RUFY1: variants seen among roughly 807,000 people sequenced by gnomAD.
The protein encoded by RUFY1 is RUN and FYVE domain containing 1, also known as RUN and FYVE domain-containing protein 1.
RUFY1 carries 54 observed loss-of-function variants against 94.6 expected under a neutral mutation model. The ratio of observed to expected loss-of-function variants is 0.57; its 90% CI spans 0.46 to 0.72. The LOEUF is 0.72. RUFY1 is among the 30% of genes least tolerant of loss of function. The pLI, the probability that RUFY1 is intolerant of heterozygous loss-of-function variation, is 0.00. For missense variants in RUFY1, 883 were observed against 883.9 expected (o/e 1.00, Z 0.01); for synonymous variants, 396 against 347.3 (o/e 1.14, Z -1.56).
chr5:179,605,421 T>C (rs945721725), intron 15 of RUFY1, among the ~76,000 whole-genome samples: 1 of 152,228 alleles, frequency 6.6e-6, no homozygotes, highest in Non-Finnish European at 1.5e-5. Context: ...TGAACAAGAA[T>C]GGAGCAAGAA....
intron 17 of RUFY1, 84 bp from the exon 18 acceptor site, chr5:179,609,292 T>G (rs1177015506): frequency 7.1e-7 from 1 of 1,414,820 alleles, no homozygotes; most frequent in Admixed American, 1.9e-5. Flanking sequence ...CAGCAAATGA[T>G]GCGCTTCTGG....
intron 3 of RUFY1, 149 bp from the exon 4 acceptor site, chr5:179,567,312 A>G (rs918857210): frequency 3.2e-6 from 2 of 631,638 alleles, no homozygotes; most frequent in Non-Finnish European, 5.6e-6. Context: ...GGCCATGTGC[A>G]TCCCTCCCCA....
intron 7 of RUFY1, among the ~76,000 whole-genome samples, chr5:179,584,615 C>G (rs1461023674): frequency 1.3e-5 from 2 of 151,726 alleles, no homozygotes; most frequent in Non-Finnish European, 2.9e-5. Flanking sequence ...AACCTCACCT[C>G]TACAAAAAAA....
At chr5:179,562,029 G>C (rs1184972063) in intron 2 of RUFY1, among the ~76,000 whole-genome samples, 1 of 151,802 alleles carries the variant, frequency 6.6e-6, no homozygotes, top group Non-Finnish European at 1.5e-5. Flanking sequence ...TCCAGAAAGA[G>C]CACAGTAAGC....
intron 1 of RUFY1, among the ~76,000 whole-genome samples, chr5:179,552,210 C>T (rs1254429441): frequency 1.3e-5 from 2 of 149,804 alleles, no homozygotes; most frequent in Non-Finnish European, 3.0e-5. Flanking sequence ...TTACAGCGGC[C>T]ACATTTTAAA....
chr5:179,603,576 C>T (rs1430174470), intron 15 of RUFY1: 1 of 152,386 alleles, frequency 6.6e-6, no homozygotes, highest in East Asian at 1.9e-4. Flanking sequence ...AGAGCATAGG[C>T]CAGCTGTGAG....
At chr5:179,568,499 G>A (rs144627787) in intron 4 of RUFY1, among the ~76,000 whole-genome samples, 287 of 152,148 alleles carry the variant, frequency 1.9e-3, no homozygotes, top group African/African-American at 6.7e-3. Context: ...ATCTTTACAC[G>A]ACAAATACTG....
At chr5:179,561,234 AATT>A (rs1762434610) in intron 2 of RUFY1, among the ~76,000 whole-genome samples, 1 of 151,756 alleles carries the variant, frequency 6.6e-6, no homozygotes, top group African/African-American at 2.4e-5. Context: ...TAAATAAATT[AATT>A]AATTAATTAA....
At chr5:179,598,643 C>A (rs745733145) in intron 13 of RUFY1, 49 bp from the exon 14 acceptor site, 2 of 1,607,818 alleles carry the variant, frequency 1.2e-6, no homozygotes, top group Admixed American at 3.4e-5. Flanking sequence ...GTGAATCTTC[C>A]GTGAAAGTCT....
intron 1 of RUFY1, chr5:179,559,754 T>C (rs1207855089): frequency 1.5e-5 from 18 of 1,161,880 alleles, no homozygotes; most frequent in Non-Finnish European, 1.8e-5. Flanking sequence ...GCCGTCGCCG[T>C]AGCAACGCGC....
At chr5:179,592,350 C>T (rs1390101459) in intron 10 of RUFY1, among the ~76,000 whole-genome samples, 2 of 152,176 alleles carry the variant, frequency 1.3e-5, no homozygotes, top group Non-Finnish European at 2.9e-5. Flanking sequence ...CATCTCCTGA[C>T]TTTGTGATCC....
intron 5 of RUFY1, 81 bp from the exon 6 acceptor site, chr5:179,576,994 G>T: frequency 2.1e-6 from 2 of 966,710 alleles, no homozygotes; most frequent in Middle Eastern, 4.6e-4. Flanking sequence ...AGATAAGAAT[G>T]AAATACCTGA....
At chr5:179,556,720 G>T (rs767088174) in intron 1 of RUFY1, among the ~76,000 whole-genome samples, 1 of 151,938 alleles carries the variant, frequency 6.6e-6, no homozygotes, top group East Asian at 1.9e-4. Flanking sequence ...GGCTGATCTC[G>T]AACTCCTGAC....
At chr5:179,598,899 T>TC in intron 14 of RUFY1, 78 bp downstream of exon 14, 1 of 1,546,358 alleles carries the variant, frequency 6.5e-7, no homozygotes. Context: ...CAGGCTCCTC[T>TC]CCCCGCACCC....
chr5:179,609,491 T>C lies in RUFY1; in HGVS notation c.2099T>C (p.Leu700Pro). ...RVCDSCHTLLLQRCSSTAS is the reference protein window; with the variant it reads ...RVCDSCHTLLPQRCSSTAS ...TGCGACAGCTGCCACACCCTGCTCC[T>C]GCAGCGCTGCTCCTCCACGGCCTCC... The change falls in exon 18 of 18, where the codon CTG (leucine) becomes CCG (proline). Residue 700 changes from leucine (L) to proline (P), a missense_variant. Physicochemically the swap from Leu to Pro is moderately conservative, Grantham distance 98. Transcript: ENST00000319449. The C allele has an allele frequency of 1.9e-6, 3 of 1,609,100 alleles. No homozygotes were observed. The highest frequency in any genetic ancestry group is 1.1e-5 in the South Asian group (1 of 90,830).
rs1256505893 is a variant in RUFY1 at position 179,573,036 on chromosome 5, A to C, written c.828+3611A>C. Among the ~76,000 whole-genome samples the C allele has an allele frequency of 2.0e-5, 3 of 152,218 alleles. No homozygotes were observed. The East Asian group carries it at 5.8e-4, about 29-fold the overall frequency. Reference sequence around the variant, plus strand: ...AATATATTTTTTCTACTAATTTGAAATTCCACTTTTATCATATGTGAAATA... The same window carrying C: ...AATATATTTTTTCTACTAATTTGAACTTCCACTTTTATCATATGTGAAATA... On this transcript the variant is annotated intron_variant, in intron 5 of 17. Coordinates refer to ENST00000319449, the MANE Select transcript of RUFY1 (RefSeq NM_025158.5).
chr5:179,562,721 T>G, intron 3 of RUFY1, 57 bp downstream of exon 3: 1 of 926,784 alleles, frequency 1.1e-6, no homozygotes, highest in Non-Finnish European at 1.8e-6. Flanking sequence ...TCATATTTAC[T>G]CATTTCTCAA....
intron 11 of RUFY1, 24 bp from the exon 12 acceptor site, chr5:179,594,842 T>C: frequency 6.6e-7 from 1 of 1,520,130 alleles, no homozygotes; most frequent in Non-Finnish European, 9.1e-7. Context: ...AGGCAGAGTA[T>C]GAACCCTTCC....
intron 2 of RUFY1, among the ~76,000 whole-genome samples, chr5:179,561,633 G>A (rs1468672411): frequency 7.2e-6 from 1 of 139,726 alleles, no homozygotes; most frequent in African/African-American, 2.6e-5. Context: ...AAAGGGGGAA[G>A]AATTTCATAG....
Sources: gnomAD v4.1 joint callset for allele counts (sites outside exome capture counted in the v4.1 genomes callset) on GRCh38, gnomAD v4.1.1 for gene constraint, MANE v1.5 for transcripts, NCBI Gene and HGNC (gene_info 2026-07-23, HGNC 2026-07-21) for gene names.